Variants in CYB5B observed in about 807,000 individuals in gnomAD.
The protein encoded by CYB5B is cytochrome b5 type B, also known as cytochrome b5 type B (outer mitochondrial membrane).
Under a neutral mutation model 21.3 loss-of-function variants are expected in CYB5B, and 14 were observed. The ratio of observed to expected loss-of-function variants is 0.66; its 90% CI spans 0.43 to 1.03. CYB5B has a LOEUF of 1.03. CYB5B is among the 50% of genes least tolerant of loss of function. CYB5B has a pLI of 0.00. For missense variants in CYB5B, 166 were observed against 185.1 expected, an observed-to-expected ratio of 0.90 and a Z score of 0.60; for synonymous variants, 69 against 68.4, an observed-to-expected ratio of 1.01 and a Z score of -0.04.
chr16:69,454,186 A>T (rs1271170002), intron 3 of CYB5B, among the ~76,000 whole-genome samples: 2 of 152,156 alleles, frequency 1.3e-5, no homozygotes, highest in Non-Finnish European at 1.5e-5. Context: ...ATTTTATCAC[A>T]ATGAGTTCTT....
In CYB5B at chr16:69,424,641, A is replaced by C; in HGVS notation, c.-43A>C. ...GAGGAAGGCTGAGCGCGGGCTCTCA[A>C]GGAAAGTAGTCGCGGAATCTCAGTT... On this transcript the variant is annotated 5_prime_UTR_variant, in exon 1 of 5. Transcript: ENST00000307892. 1 of 1,501,780 alleles carries C rather than the reference A, an allele frequency of 6.7e-7. No individual in the cohort carries two copies. The allele number at this position is 1,501,780 out of a possible 1,614,324, so 93.0% of individuals were successfully genotyped here.
At chr16:69,458,402 TA>T (rs1348382648) in intron 3 of CYB5B, among the ~76,000 whole-genome samples, 4 of 152,212 alleles carry the variant, frequency 2.6e-5, no homozygotes, top group Non-Finnish European at 5.9e-5. Context: ...ATTTATATAA[TA>T]TGTAGTCTTT....
intron 1 of CYB5B, among the ~76,000 whole-genome samples, chr16:69,425,120 C>T (rs1026207634): frequency 6.6e-6 from 1 of 152,196 alleles, no homozygotes; most frequent in African/African-American, 2.4e-5. Flanking sequence ...CTCAGCTAAA[C>T]TCTAAGCCAT....
At chr16:69,453,432 A>T (rs184674791) in intron 3 of CYB5B, among the ~76,000 whole-genome samples, 1 of 152,326 alleles carries the variant, frequency 6.6e-6, no homozygotes, top group Admixed American at 6.5e-5. Flanking sequence ...TATCCCTACC[A>T]TACCTACTAC....
intron 3 of CYB5B, chr16:69,449,102 T>C (rs1333264389): frequency 2.0e-5 from 3 of 152,218 alleles, no homozygotes; most frequent in East Asian, 3.8e-4. Context: ...CTCTGAACTA[T>C]TGAATTGTTT....
chr16:69,454,049 A>G (rs888612705), intron 3 of CYB5B, among the ~76,000 whole-genome samples: 1 of 152,238 alleles, frequency 6.6e-6, no homozygotes, highest in Non-Finnish European at 1.5e-5. Flanking sequence ...AACAGGGTTC[A>G]GAAGGGTAAG....
At chr16:69,442,733 G>A (rs1033622966) in intron 1 of CYB5B, among the ~76,000 whole-genome samples, 1 of 151,648 alleles carries the variant, frequency 6.6e-6, no homozygotes, top group African/African-American at 2.4e-5. Context: ...GGTTGCCCAG[G>A]TTGGTCTTGA....
rs143548996 is a variant in CYB5B, at chr16:69,454,859, G to A, written c.334-4234G>A. On this transcript the variant is annotated intron_variant, in intron 3 of 4. Transcript: ENST00000307892. Reference sequence around the variant, plus strand: ...AGCCTAAATGTAAGCTGTATAGGCTGAAGGTATAATGCCCTGTTTTTTGGG... The same window carrying A: ...AGCCTAAATGTAAGCTGTATAGGCTAAAGGTATAATGCCCTGTTTTTTGGG... Among the ~76,000 whole-genome samples, 759 of 152,270 alleles carry A rather than the reference G, an allele frequency of 5.0e-3. 4 individuals carry two copies. The highest frequency in any genetic ancestry group is 5.8e-3 in the Non-Finnish European group (397 of 68,006).
intron 3 of CYB5B, among the ~76,000 whole-genome samples, chr16:69,455,474 C>T (rs907240508): frequency 1.4e-5 from 2 of 141,690 alleles, no homozygotes; most frequent in South Asian, 2.3e-4. Context: ...ACGGTGTGAT[C>T]TCGGCTCACT....
intron 1 of CYB5B, among the ~76,000 whole-genome samples, chr16:69,427,363 A>G (rs1378108249): frequency 6.6e-6 from 1 of 151,496 alleles, no homozygotes; most frequent in African/African-American, 2.4e-5. Flanking sequence ...GCATTAATTC[A>G]GTCTCAAGTA....
rs2014732147 is a variant in CYB5B at position 69,433,993 on chromosome 16, C to A, written c.174+9136C>A. Among the ~76,000 whole-genome samples the A allele has an allele frequency of 2.0e-5, 3 of 152,100 alleles. No homozygotes were observed. The South Asian group carries it at 6.2e-4, about 32-fold the overall frequency. On this transcript the variant is annotated intron_variant, in intron 1 of 4. Coordinates refer to ENST00000307892, the MANE Select transcript of CYB5B (RefSeq NM_030579.3). ...TGTGCATCTAAACATAGAAAAGGTG[C>A]AATAAAAATATGGTATTATAATCTT...
At chr16:69,446,123 C>G (rs760720319) in intron 1 of CYB5B, among the ~76,000 whole-genome samples, 2 of 152,052 alleles carry the variant, frequency 1.3e-5, no homozygotes, top group Non-Finnish European at 2.9e-5. Flanking sequence ...ATATTATGCT[C>G]TTCTGGAGTG....
chr16:69,433,703 A>G (rs895515296), intron 1 of CYB5B, among the ~76,000 whole-genome samples: 44 of 152,342 alleles, frequency 2.9e-4, no homozygotes, highest in African/African-American at 1.1e-3. Context: ...TTTTGAATGT[A>G]GAGTTCAGTG....
intron 1 of CYB5B, among the ~76,000 whole-genome samples, chr16:69,444,448 A>C (rs951290197): frequency 9.9e-5 from 15 of 151,678 alleles, no homozygotes; most frequent in Non-Finnish European, 1.9e-4. Context: ...AGTGATTCCA[A>C]CTCCTCCAGC....
In CYB5B at chr16:69,459,127, T is replaced by C. The variant is rs566413424; in HGVS notation, c.362+6T>C. On this transcript the variant is annotated splice_donor_region_variant and intron_variant, in intron 4 of 4. Transcript: ENST00000307892. The stretch of plus-strand genomic sequence containing the variant: ...AAAAATGATACATGCAAAAGGTTAG[T>C]ATCTCCTTAACAGCTTTCCATACGT... 1.2e-6 allele frequency: 2 copies of C among 1,607,638 alleles called. No homozygotes were observed. Among genetic ancestry groups the C allele is most frequent in the East Asian group, 2.2e-5 (1 of 44,740 alleles).
intron 1 of CYB5B, among the ~76,000 whole-genome samples, chr16:69,440,816 A>G (rs909522502): frequency 2.8e-5 from 4 of 141,330 alleles, no homozygotes; most frequent in Admixed American, 7.1e-5. Flanking sequence ...ATATTAGGGG[A>G]TCTCATTTGA....
intron 1 of CYB5B, among the ~76,000 whole-genome samples, chr16:69,433,569 A>T (rs1406104003): frequency 6.6e-6 from 1 of 152,176 alleles, no homozygotes; most frequent in African/African-American, 2.4e-5. Context: ...GATTTATTAT[A>T]TGGATCATTA....
chr16:69,435,508 C>A (rs1441639650), intron 1 of CYB5B, among the ~76,000 whole-genome samples: 1 of 152,166 alleles, frequency 6.6e-6, no homozygotes, highest in African/African-American at 2.4e-5. Flanking sequence ...CTATTTGGTA[C>A]AATCCCAGGG....
At chr16:69,449,968 C>T (rs906194995) in intron 3 of CYB5B, 1 of 152,288 alleles carries the variant, frequency 6.6e-6, no homozygotes, top group Non-Finnish European at 1.5e-5. Context: ...GTAATCCCTA[C>T]ACTTTGGGAG....
Sources: allele counts gnomAD v4.1 joint callset (sites outside exome capture counted in the v4.1 genomes callset), GRCh38; gene constraint gnomAD v4.1.1; transcripts MANE v1.5; gene names NCBI Gene and HGNC (gene_info 2026-07-23, HGNC 2026-07-21).